The following GABRB2 variants were observed in gnomAD, a reference collection of about 807,000 sequenced individuals.
GABRB2 encodes the protein gamma-aminobutyric acid type A receptor subunit beta2, also known as gamma-aminobutyric acid receptor subunit beta-2.
GABRB2 carries 16 observed loss-of-function variants against 54.7 expected under a neutral mutation model. The ratio of observed to expected loss-of-function variants is 0.29; its 90% CI spans 0.20 to 0.44. GABRB2 has a LOEUF of 0.44. Ranked by LOEUF, GABRB2 falls within the 20% of genes least tolerant of loss-of-function variation. The pLI is 1.00. For missense variants in GABRB2, 355 were observed against 644.0 expected (o/e 0.55, Z 4.86); for synonymous variants, 244 against 233.8 (o/e 1.04, Z -0.40).
intron 3 of GABRB2, among the ~76,000 whole-genome samples, chr5:161,529,689 C>G (rs1358609907): frequency 6.6e-6 from 1 of 151,988 alleles, no homozygotes; most frequent in Non-Finnish European, 1.5e-5. Flanking sequence ...TAGTCGTAAT[C>G]AAATATATCC....
intron 7 of GABRB2, among the ~76,000 whole-genome samples, chr5:161,333,157 G>T (rs1753901640): frequency 6.6e-6 from 1 of 152,072 alleles, no homozygotes; most frequent in Admixed American, 6.5e-5. Context: ...ATTATTTATT[G>T]TTCCTGTAAT....
At chr5:161,494,545 G>A (rs918696661) in intron 3 of GABRB2, among the ~76,000 whole-genome samples, 57 of 145,206 alleles carry the variant, frequency 3.9e-4, no homozygotes, top group Middle Eastern at 6.8e-3. Context: ...ATGCGTGTGT[G>A]TGTGTGTGTG....
At chr5:161,339,573 T>A (rs748728788) in intron 5 of GABRB2, among the ~76,000 whole-genome samples, 4 of 152,120 alleles carry the variant, frequency 2.6e-5, no homozygotes, top group Non-Finnish European at 5.9e-5. Flanking sequence ...ATGAAAAAGA[T>A]AATGATAGCA....
chr5:161,354,615 T>C (rs1056658145), intron 5 of GABRB2, among the ~76,000 whole-genome samples: 2 of 151,958 alleles, frequency 1.3e-5, no homozygotes, highest in African/African-American at 4.8e-5. Flanking sequence ...ACTTCCACTT[T>C]TATCCCCTTA....
chr5:161,530,568 A>G (rs1760422769), intron 3 of GABRB2, among the ~76,000 whole-genome samples: 1 of 152,114 alleles, frequency 6.6e-6, no homozygotes, highest in Non-Finnish European at 1.5e-5. Flanking sequence ...TTGGAAAAAA[A>G]TATATCTCTT....
chr5:161,457,392 A>G (rs1757986364), intron 4 of GABRB2, among the ~76,000 whole-genome samples: 1 of 151,946 alleles, frequency 6.6e-6, no homozygotes, highest in Non-Finnish European at 1.5e-5. Flanking sequence ...ACTTAATGAT[A>G]TAAAGAAGCC....
At chr5:161,369,088 G>A (rs1755055266) in intron 5 of GABRB2, among the ~76,000 whole-genome samples, 1 of 152,286 alleles carries the variant, frequency 6.6e-6, no homozygotes, top group South Asian at 2.1e-4. Context: ...TTTACATTTG[G>A]CAACTTCTAA....
intron 5 of GABRB2, among the ~76,000 whole-genome samples, chr5:161,355,539 T>A (rs189221078): frequency 6.7e-6 from 1 of 149,534 alleles, no homozygotes; most frequent in African/African-American, 2.4e-5. Context: ...ATCTGTGACA[T>A]TGTTTGGAGG....
At chr5:161,349,285 T>A (rs1341822295) in intron 5 of GABRB2, among the ~76,000 whole-genome samples, 1 of 151,822 alleles carries the variant, frequency 6.6e-6, no homozygotes, top group Non-Finnish European at 1.5e-5. Context: ...ACGGGACCTA[T>A]GAGAGATATT....
intron 3 of GABRB2, among the ~76,000 whole-genome samples, chr5:161,513,899 G>A (rs1399723096): frequency 2.0e-5 from 3 of 152,086 alleles, no homozygotes; most frequent in African/African-American, 7.2e-5. Flanking sequence ...CACTGGAAAT[G>A]TTAACTACAA....
At chr5:161,405,638 A>G (rs1756328784) in intron 5 of GABRB2, among the ~76,000 whole-genome samples, 1 of 152,062 alleles carries the variant, frequency 6.6e-6, no homozygotes. Context: ...GACTACTGTT[A>G]TACTCTAAGG....
At chr5:161,425,650 C>A (rs914380229) in intron 4 of GABRB2, among the ~76,000 whole-genome samples, 1 of 151,918 alleles carries the variant, frequency 6.6e-6, no homozygotes, top group Non-Finnish European at 1.5e-5. Flanking sequence ...TGCTTTATTG[C>A]AGTGGTCTAG....
At chr5:161,536,557 G>C (rs1394356551) in intron 3 of GABRB2, among the ~76,000 whole-genome samples, 1 of 152,082 alleles carries the variant, frequency 6.6e-6, no homozygotes, top group African/African-American at 2.4e-5. Context: ...TTCCAGTCCT[G>C]CTACCCACTT....
At position 161,353,161 on chromosome 5, in the gene GABRB2, C is replaced by G. The variant is rs569779410; in HGVS notation, c.542-16392G>C. Among the ~76,000 whole-genome samples the G allele has an allele frequency of 2.0e-5, 3 of 152,118 alleles. No homozygotes were observed. In the East Asian group the frequency reaches 5.8e-4, roughly 29 times the overall value. On this transcript the variant is annotated intron_variant, in intron 5 of 9. Coordinates refer to ENST00000393959, the MANE Select transcript of GABRB2 (RefSeq NM_001371727.1). ...TTTAGATAGTTTAACAATTAAGCTTCTAATACAACTTTTGGCTTCAGTTCA... is the reference window on the plus strand; with the variant it reads ...TTTAGATAGTTTAACAATTAAGCTTGTAATACAACTTTTGGCTTCAGTTCA...
intron 4 of GABRB2, among the ~76,000 whole-genome samples, chr5:161,427,168 A>G (rs1199079444): frequency 6.6e-6 from 1 of 152,210 alleles, no homozygotes; most frequent in African/African-American, 2.4e-5. Flanking sequence ...TTGTTTGACT[A>G]ATAGCTGAAT....
At chr5:161,433,428 T>A (rs1336888104) in intron 4 of GABRB2, among the ~76,000 whole-genome samples, 1 of 144,018 alleles carries the variant, frequency 6.9e-6, no homozygotes, top group Admixed American at 7.0e-5. Flanking sequence ...GGCAAAACCC[T>A]GTCTCTACTA....
chr5:161,486,421 T>C (rs1758922900), intron 3 of GABRB2, among the ~76,000 whole-genome samples: 1 of 151,986 alleles, frequency 6.6e-6, no homozygotes, highest in African/African-American at 2.4e-5. Context: ...TCTAAATTCC[T>C]GGAAAATGCG....
At chr5:161,477,284 C>CAAA (rs70990786) in intron 3 of GABRB2, among the ~76,000 whole-genome samples, 2 of 127,850 alleles carry the variant, frequency 1.6e-5, no homozygotes, top group Non-Finnish European at 3.4e-5. Context: ...CAAACAAAAG[C>CAAA]AAAAAAAAAA....
chr5:161,449,184 G>C (rs1757721928), intron 4 of GABRB2, among the ~76,000 whole-genome samples: 2 of 152,128 alleles, frequency 1.3e-5, no homozygotes, highest in African/African-American at 2.4e-5. Flanking sequence ...CTTAGATCAT[G>C]GGTTTTGAGT....
Sources: gnomAD v4.1 joint callset for allele counts (sites outside exome capture counted in the v4.1 genomes callset) on GRCh38, gnomAD v4.1.1 for gene constraint, MANE v1.5 for transcripts, NCBI Gene and HGNC (gene_info 2026-07-23, HGNC 2026-07-21) for gene names.